MAF: variants seen among roughly 807,000 people sequenced by gnomAD.
The protein encoded by MAF is MAF bZIP transcription factor.
MAF carries 10 observed loss-of-function variants against 22.0 expected under a neutral mutation model. That is an observed-to-expected ratio of 0.45 (90% CI 0.28 to 0.77). The LOEUF (loss-of-function observed/expected upper bound fraction) is 0.77. Ranked by LOEUF, MAF falls within the 30% of genes least tolerant of loss-of-function variation. The pLI is 0.12. For missense variants in MAF, 544 were observed against 548.4 expected (o/e 0.99, Z 0.08); for synonymous variants, 337 against 255.8 (o/e 1.32, Z -3.03).
At chr16:79,387,151 G>T in the MAF span, among the ~76,000 whole-genome samples, 2 of 152,192 alleles carry the variant, frequency 1.3e-5, no homozygotes, top group Non-Finnish European at 1.5e-5. Flanking sequence ...GAAGCCAGCA[G>T]CAGCACACAG....
At chr16:79,369,154 G>A in the MAF span, among the ~76,000 whole-genome samples, 1 of 152,162 alleles carries the variant, frequency 6.6e-6, no homozygotes, top group Non-Finnish European at 1.5e-5. Context: ...TTGCAAATGA[G>A]GCAACTAGAA....
chr16:79,417,846 G>A, the MAF span, among the ~76,000 whole-genome samples: 1 of 152,094 alleles, frequency 6.6e-6, no homozygotes, highest in East Asian at 1.9e-4. Flanking sequence ...AGCTCCACAC[G>A]ACGCGGCACA....
At chr16:79,515,571 A>C in the MAF span, among the ~76,000 whole-genome samples, 3 of 152,226 alleles carry the variant, frequency 2.0e-5, no homozygotes, top group Non-Finnish European at 4.4e-5. Context: ...GGTTAGGTGA[A>C]TTAAATGCAT....
chr16:79,572,207 T>C, the MAF span, among the ~76,000 whole-genome samples: 5 of 152,172 alleles, frequency 3.3e-5, no homozygotes, highest in African/African-American at 1.2e-4. Context: ...CCAAATCCTG[T>C]ATCGGTGGAG....
chr16:79,491,961 C>G, the MAF span, among the ~76,000 whole-genome samples: 1 of 152,136 alleles, frequency 6.6e-6, no homozygotes, highest in African/African-American at 2.4e-5. Flanking sequence ...TTTCTACGTA[C>G]CCGGAACTGA....
At chr16:79,419,111 T>G in the MAF span, among the ~76,000 whole-genome samples, 8 of 152,088 alleles carry the variant, frequency 5.3e-5, no homozygotes, top group African/African-American at 1.7e-4. Flanking sequence ...CGAATTAACT[T>G]CCCCCCTCAG....
chr16:79,269,507 C>T, the MAF span, among the ~76,000 whole-genome samples: 3 of 151,982 alleles, frequency 2.0e-5, no homozygotes, highest in South Asian at 4.1e-4. Context: ...AATGAGCCAA[C>T]ACCCCTGTCT....
chr16:79,327,246 G>A, the MAF span, among the ~76,000 whole-genome samples: 2 of 152,218 alleles, frequency 1.3e-5, no homozygotes, highest in Non-Finnish European at 2.9e-5. Flanking sequence ...GCCTGTGGTG[G>A]AGGGTATAGA....
chr16:79,509,510 C>T, the MAF span, among the ~76,000 whole-genome samples: 1 of 151,728 alleles, frequency 6.6e-6, no homozygotes, highest in Non-Finnish European at 1.5e-5. Flanking sequence ...GAACACGAGG[C>T]CCTGCTGGGG....
the MAF span, among the ~76,000 whole-genome samples, chr16:79,404,985 C>T: frequency 3.3e-5 from 5 of 152,264 alleles, no homozygotes; most frequent in East Asian, 5.8e-4. Context: ...TGGTTAGTAC[C>T]GAACCACACA....
chr16:79,477,059 A>G, the MAF span, among the ~76,000 whole-genome samples: 1 of 152,162 alleles, frequency 6.6e-6, no homozygotes, highest in East Asian at 1.9e-4. Flanking sequence ...GGCCAATAGA[A>G]GTCCCCAGAA....
At chr16:79,280,340 T>C in the MAF span, among the ~76,000 whole-genome samples, 1 of 152,212 alleles carries the variant, frequency 6.6e-6, no homozygotes, top group Non-Finnish European at 1.5e-5. Flanking sequence ...CCAGCTGCAG[T>C]CTAAGTTTTG....
chr16:79,230,202 C>T, the MAF span, among the ~76,000 whole-genome samples: 1 of 152,048 alleles, frequency 6.6e-6, no homozygotes, highest in African/African-American at 2.4e-5. Context: ...TTGCACAGAA[C>T]CTGAGGACTG....
At chr16:79,308,429 TA>T in the MAF span, among the ~76,000 whole-genome samples, 1 of 152,108 alleles carries the variant, frequency 6.6e-6, no homozygotes, top group Non-Finnish European at 1.5e-5. Context: ...GCAGGCAGGC[TA>T]AATAACCTCA....
chr16:79,445,311 G>C, the MAF span, among the ~76,000 whole-genome samples: 1 of 152,110 alleles, frequency 6.6e-6, no homozygotes, highest in Admixed American at 6.5e-5. Flanking sequence ...CCAAAGTGCT[G>C]GGATTACAGG....
the MAF span, among the ~76,000 whole-genome samples, chr16:79,355,638 T>C: frequency 6.6e-6 from 1 of 152,172 alleles, no homozygotes; most frequent in East Asian, 1.9e-4. Context: ...GGGACTCAAA[T>C]ATGATTTCTT....
At chr16:79,324,017 A>C in the MAF span, among the ~76,000 whole-genome samples, 1 of 152,088 alleles carries the variant, frequency 6.6e-6, no homozygotes, top group Admixed American at 6.6e-5. Context: ...AAGCTCCACT[A>C]AGGGAGGGAT....
chr16:79,274,047 C>G, the MAF span, among the ~76,000 whole-genome samples: 1 of 149,964 alleles, frequency 6.7e-6, no homozygotes, highest in Middle Eastern at 3.4e-3. Flanking sequence ...TTCCACCTCC[C>G]AGGTTCAAGC....
At chr16:79,357,835 T>A in the MAF span, among the ~76,000 whole-genome samples, 2 of 152,190 alleles carry the variant, frequency 1.3e-5, no homozygotes, top group African/African-American at 4.8e-5. Flanking sequence ...AGGTCCTCCA[T>A]GTTTCATGTA....
Sources: allele counts gnomAD v4.1 joint callset (sites outside exome capture counted in the v4.1 genomes callset), GRCh38; gene constraint gnomAD v4.1.1; transcripts MANE v1.5; gene names NCBI Gene and HGNC (gene_info 2026-07-23, HGNC 2026-07-21).